The following PCDHGA4 variants were observed in gnomAD, a reference collection of about 807,000 sequenced individuals.
PCDHGA4 encodes the protein protocadherin gamma subfamily A, 4.
Under a neutral mutation model 54.6 loss-of-function variants are expected in PCDHGA4, and 38 were observed. That is an observed-to-expected ratio of 0.70 (90% confidence interval 0.54 to 0.91). The LOEUF (loss-of-function observed/expected upper bound fraction) is 0.91, where lower values mean the gene tolerates loss of function less well. PCDHGA4 is among the 40% of genes least tolerant of loss of function. The pLI is 0.00. For synonymous variants in PCDHGA4, 511 were observed against 512.9 expected, an observed-to-expected ratio of 1.00 and a Z score of 0.05; for missense variants, 1,298 against 1,220.9, an observed-to-expected ratio of 1.06 and a Z score of -0.94.
In PCDHGA4 at chr5:141,355,603, A is replaced by T; in HGVS notation, c.496A>T (p.Thr166Ser). 1.2e-6 allele frequency: 2 copies of T among 1,614,012 alleles called. No individual in the cohort carries two copies. The highest frequency in any genetic ancestry group is 1.1e-5 in the South Asian group (1 of 91,084). ...DVNDNPPSFG[T>S]EQREIKVAEN... ...TAATGATAACCCACCCAGTTTTGGGACAGAACAGAGGGAAATAAAAGTTGC... is the reference window on the plus strand; with the variant it reads ...TAATGATAACCCACCCAGTTTTGGGTCAGAACAGAGGGAAATAAAAGTTGC... The change falls in exon 1 of 4, where the codon ACA becomes TCA. Residue 166 changes from threonine (T) to serine (S), a missense_variant. Thr to Ser is a moderately conservative substitution (Grantham distance 58). Coordinates refer to ENST00000571252, the MANE Select transcript of PCDHGA4 (RefSeq NM_018917.4).
At chr5:141,497,223 T>G (rs921763195) in intron 2 of PCDHGA4, among the ~76,000 whole-genome samples, 14 of 151,762 alleles carry the variant, frequency 9.2e-5, no homozygotes, top group African/African-American at 3.4e-4. Context: ...GGGGGGAAGA[T>G]CAGAGAAGGC....
chr5:141,492,602 C>G (rs1352851783), intron 1 of PCDHGA4, among the ~76,000 whole-genome samples: 2 of 152,222 alleles, frequency 1.3e-5, no homozygotes, highest in Non-Finnish European at 2.9e-5. Flanking sequence ...GAGCGACTGC[C>G]GCTCTAAGTG....
At position 141,359,348 on chromosome 5, in the gene PCDHGA4, T is replaced by C. The variant is rs193044615; in HGVS notation, c.2514+1727T>C. 4.0e-3 allele frequency among the ~76,000 whole-genome samples: 616 copies of C among 152,208 alleles called. 6 individuals carry two copies. The highest frequency in any genetic ancestry group is 0.011 in the Admixed American group (172 of 15,282). On this transcript the variant is annotated intron_variant, in intron 1 of 3. Transcript: ENST00000571252. ...TATATTCCAGAATGAGAGTGCCACA[T>C]GTTTTAAAGGCCTAGGAAAGCAGTA...
intron 1 of PCDHGA4, among the ~76,000 whole-genome samples, chr5:141,401,348 A>G (rs1312849099): frequency 2.0e-5 from 3 of 152,220 alleles, no homozygotes; most frequent in African/African-American, 4.8e-5. Flanking sequence ...ATCTCAAAAA[A>G]AAGGAAGGAG....
chr5:141,359,857 AAAAAG>A (rs1258075197), intron 1 of PCDHGA4, among the ~76,000 whole-genome samples: 2 of 152,330 alleles, frequency 1.3e-5, no homozygotes, highest in African/African-American at 4.8e-5. Context: ...TTATAAATTA[AAAAAG>A]AAAAGAAAAG....
At chr5:141,510,509 C>G (rs146315792) in intron 3 of PCDHGA4, among the ~76,000 whole-genome samples, 13 of 152,204 alleles carry the variant, frequency 8.5e-5, no homozygotes, top group Non-Finnish European at 1.6e-4. Flanking sequence ...ACTGAGAGCC[C>G]GTGTCACAGC....
At chr5:141,458,403 C>T (rs1057108239) in intron 1 of PCDHGA4, among the ~76,000 whole-genome samples, 6 of 152,136 alleles carry the variant, frequency 3.9e-5, no homozygotes, top group African/African-American at 1.2e-4. Context: ...CTTGCAGAGA[C>T]GGAGCGGGGG....
In PCDHGA4 at chr5:141,356,315, A is replaced by G. The variant is rs748014079; in HGVS notation, c.1208A>G (p.His403Arg). 1.7e-5 allele frequency: 27 copies of G among 1,554,222 alleles called. No homozygotes were observed. The highest frequency in any genetic ancestry group is 1.9e-5 in the Non-Finnish European group (22 of 1,148,376). The change falls in exon 1 of 4, where the codon CAT (histidine) becomes CGT (arginine). Residue 403 changes from histidine (H) to arginine (R), a missense_variant. Coordinates refer to ENST00000571252, the MANE Select transcript of PCDHGA4 (RefSeq NM_018917.4). ...ACAGTAATTGCACTTTTCAACGTGC[A>G]TGACAGTGACTCAGGAGGAAATGGC... ...PGTVIALFNV[H>R]DSDSGGNGLV...
intron 1 of PCDHGA4, chr5:141,400,510 T>C: frequency 6.2e-7 from 1 of 1,613,972 alleles, no homozygotes; most frequent in Non-Finnish European, 8.5e-7. Context: ...CGAGTCGACT[T>C]CCCATCCTGA....
At position 141,431,738 on chromosome 5, in the gene PCDHGA4, TA is replaced by T; in HGVS notation, c.2515-63068del. ...AGTGCAAGCAATGGATAATGCAGGA[TA>T]TTCTGCGCGAGCCAAAGTCCTGATC... On this transcript the variant is annotated intron_variant, in intron 1 of 3. Coordinates refer to ENST00000571252, the MANE Select transcript of PCDHGA4 (RefSeq NM_018917.4). The surrounding 1 kb of genome is among the most constrained non-coding windows in gnomAD (Gnocchi z 4.8). The T allele has an allele frequency of 6.2e-7, 1 of 1,614,234 alleles. No individual in the cohort carries two copies. Among genetic ancestry groups the T allele is most frequent in the South Asian group, 1.1e-5 (1 of 91,092 alleles).
chr5:141,421,541 T>A (rs1235004908), intron 1 of PCDHGA4: 9 of 1,613,912 alleles, frequency 5.6e-6, no homozygotes, highest in African/African-American at 1.3e-5. Flanking sequence ...TCCTGTTTTT[T>A]AAATATGGAA....
intron 1 of PCDHGA4, among the ~76,000 whole-genome samples, chr5:141,479,965 T>C (rs2099510479): frequency 6.6e-6 from 1 of 152,234 alleles, no homozygotes; most frequent in East Asian, 1.9e-4. Context: ...GTTAGTCAAA[T>C]GAGGTTCTAC....
chr5:141,475,935 C>CCCGT, intron 1 of PCDHGA4: 1 of 669,050 alleles, frequency 1.5e-6, no homozygotes, highest in Middle Eastern at 4.2e-4. Flanking sequence ...CGGGCCCCTG[C>CCCGT]CCGTCCCCTT....
At chr5:141,458,803 G>A (rs2098953701) in intron 1 of PCDHGA4, among the ~76,000 whole-genome samples, 2 of 152,130 alleles carry the variant, frequency 1.3e-5, no homozygotes, top group African/African-American at 4.8e-5. Flanking sequence ...TGTGATCTCA[G>A]CTCACTGCAA....
intron 1 of PCDHGA4, chr5:141,372,574 T>C: frequency 1.2e-6 from 2 of 1,614,012 alleles, no homozygotes; most frequent in South Asian, 1.1e-5. Flanking sequence ...GAGGGCTACT[T>C]TCAGCCTGGT....
At chr5:141,390,353 T>C (rs2092125983) in intron 1 of PCDHGA4, 3 of 1,554,516 alleles carry the variant, frequency 1.9e-6, no homozygotes, top group African/African-American at 2.8e-5. Flanking sequence ...AAAATATACA[T>C]ATTTGCAGGA....
intron 1 of PCDHGA4, chr5:141,412,079 T>C (rs148830663): frequency 3.3e-4 from 50 of 152,342 alleles, no homozygotes; most frequent in African/African-American, 1.1e-3. Context: ...GAACAATTGC[T>C]ACTGGGTTGA....
At position 141,486,114 on chromosome 5, in the gene PCDHGA4, A is replaced by G; in HGVS notation, c.2515-8693A>G. On this transcript the variant is annotated intron_variant, in intron 1 of 3. Coordinates refer to ENST00000571252, the MANE Select transcript of PCDHGA4 (RefSeq NM_018917.4). This position sits in a 1 kb window ranked among gnomAD's most constrained non-coding sequence, Gnocchi z 5.0. ...GGGCCCCTAGACTTTGAGAGTGAGAATTACTATGAATTTGATGTGCGGGCT... is the reference window on the plus strand; with the variant it reads ...GGGCCCCTAGACTTTGAGAGTGAGAGTTACTATGAATTTGATGTGCGGGCT... 3 of 1,614,082 alleles carry G rather than the reference A, an allele frequency of 1.9e-6. No individual in the cohort carries two copies. Among genetic ancestry groups the G allele is most frequent in the South Asian group, 2.2e-5 (2 of 91,072 alleles).
intron 1 of PCDHGA4, chr5:141,395,116 T>C (rs1255512461): frequency 1.9e-6 from 3 of 1,614,216 alleles, no homozygotes; most frequent in Admixed American, 3.3e-5. Context: ...AAGAGTCACC[T>C]GATCTTTCCC....
Sources: allele counts gnomAD v4.1 joint callset (sites outside exome capture counted in the v4.1 genomes callset), GRCh38; gene constraint gnomAD v4.1.1; non-coding constraint Gnocchi (gnomAD v3.1); transcripts MANE v1.5; gene names NCBI Gene and HGNC (gene_info 2026-07-23, HGNC 2026-07-21).